SGCE: variants seen among roughly 807,000 people sequenced by gnomAD.
SGCE encodes sarcoglycan epsilon.
Under a neutral mutation model 57.8 loss-of-function variants are expected in SGCE, and 26 were observed. The ratio of observed to expected loss-of-function variants is 0.45; its 90% CI spans 0.33 to 0.62. The LOEUF (loss-of-function observed/expected upper bound fraction) is 0.62. SGCE is among the 20% of genes least tolerant of loss of function. The probability of loss-of-function intolerance (pLI) is 0.02; values close to 1 mark genes in which losing one functional copy is unlikely to be tolerated. For missense variants in SGCE, 468 were observed against 548.6 expected (o/e 0.85, Z 1.47); for synonymous variants, 183 against 189.5 (o/e 0.97, Z 0.28).
chr7:94,623,574 G>A, intron 3 of SGCE, 177 bp from the exon 4 acceptor site: 1 of 587,312 alleles, frequency 1.7e-6, no homozygotes, highest in Non-Finnish European at 3.0e-6. Context: ...AATATTATGG[G>A]AAAATAAATA....
At position 94,585,294 on chromosome 7, in the gene SGCE, T is replaced by G. The variant is rs960634283; in HGVS notation, c.*205A>C. The G allele has an allele frequency of 3.6e-5, 18 of 494,700 alleles. No individual in the cohort carries two copies. Among genetic ancestry groups the G allele is most frequent in the African/African-American group, 3.4e-4 (18 of 52,420 alleles). 30.6% of individuals were successfully genotyped at this position (494,700 alleles called of 1,614,324 possible). A position where few individuals can be genotyped will look rare whatever the true frequency, so the allele number is the denominator to read the frequency against. On this transcript the variant is annotated 3_prime_UTR_variant, in exon 11 of 11. Coordinates refer to ENST00000648936, the MANE Select transcript of SGCE (RefSeq NM_003919.3). ...TAACAAATATAAAGTCATCAATGTT[T>G]TACAAATTGTCAAAAATGCTTTAAG...
At chr7:94,611,498 G>C (rs1801031258) in intron 5 of SGCE, among the ~76,000 whole-genome samples, 1 of 151,748 alleles carries the variant, frequency 6.6e-6, no homozygotes, top group Admixed American at 6.6e-5. Context: ...GGTGGGGGTG[G>C]GGGTGACTTC....
chr7:94,619,579 A>G (rs1402737041), intron 4 of SGCE: 1 of 152,294 alleles, frequency 6.6e-6, no homozygotes, highest in East Asian at 1.9e-4. Flanking sequence ...TGTTACTCAA[A>G]TGCTACTCTT....
chr7:94,600,375 C>A, intron 7 of SGCE: 1 of 392,494 alleles, frequency 2.5e-6, no homozygotes, highest in Non-Finnish European at 4.7e-6. Context: ...AAATATCTAG[C>A]CTCAATTATT....
At chr7:94,593,301 A>G (rs1449537425) in intron 9 of SGCE, among the ~76,000 whole-genome samples, 1 of 151,966 alleles carries the variant, frequency 6.6e-6, no homozygotes, top group Non-Finnish European at 1.5e-5. Flanking sequence ...AATAAGGAAA[A>G]TTTTTGTGTA....
intron 1 of SGCE, among the ~76,000 whole-genome samples, chr7:94,650,373 T>C (rs1390383035): frequency 1.3e-5 from 2 of 152,126 alleles, no homozygotes; most frequent in African/African-American, 2.4e-5. Flanking sequence ...AGTAGCCTGC[T>C]TGGACAGAGC....
intron 5 of SGCE, among the ~76,000 whole-genome samples, chr7:94,606,551 A>C (rs1170241944): frequency 1.3e-5 from 2 of 152,230 alleles, no homozygotes; most frequent in African/African-American, 4.8e-5. Context: ...ACATCTCTCT[A>C]TCAGAAATGG....
Position 94,601,382 on chromosome 7 carries a change from A to G in SGCE, c.826-525T>C, listed in dbSNP as rs1799190314. ...CTTCCAGCTGACAGAAGTAACTTTT[A>G]TGGAAGATAGTCTAGGGAATATGGA... is the stretch of plus-strand genomic sequence containing the variant. On this transcript the variant is annotated intron_variant, in intron 6 of 10. Coordinates refer to ENST00000648936, the MANE Select transcript of SGCE (RefSeq NM_003919.3). Among the ~76,000 whole-genome samples the G allele has an allele frequency of 2.1e-5, 3 of 141,066 alleles. No homozygotes were observed. The South Asian group carries it at 7.4e-4, about 35-fold the overall frequency. 92.5% of individuals were successfully genotyped at this position (141,066 alleles called of 152,430 possible).
chr7:94,622,928 A>G (rs1803039413), intron 4 of SGCE, among the ~76,000 whole-genome samples: 1 of 152,192 alleles, frequency 6.6e-6, no homozygotes, highest in Non-Finnish European at 1.5e-5. Context: ...ATTTTTAAAT[A>G]AAATAATAAA....
chr7:94,618,725 A>C (rs1274438244), intron 5 of SGCE, 33 bp downstream of exon 5: 1 of 1,557,492 alleles, frequency 6.4e-7, no homozygotes, highest in Non-Finnish European at 8.9e-7. Context: ...TTAAAAATCT[A>C]TATTTAAGGC....
intron 5 of SGCE, among the ~76,000 whole-genome samples, chr7:94,615,644 CTGT>C (rs1470525232): frequency 2.0e-5 from 3 of 152,138 alleles, no homozygotes; most frequent in South Asian, 4.1e-4. Context: ...ATAGGATTCT[CTGT>C]TGTTGATTGA....
chr7:94,603,570 TGAGGTAGGGGCCTC>T, intron 5 of SGCE, 118 bp from the exon 6 acceptor site: 1 of 898,954 alleles, frequency 1.1e-6, no homozygotes, highest in Middle Eastern at 3.3e-4. Context: ...GACTCATCCC[TGAGGTAGGGGCCTC>T]GGCTCTAAAA....
intron 5 of SGCE, among the ~76,000 whole-genome samples, chr7:94,614,387 G>T (rs971308564): frequency 6.6e-6 from 1 of 152,076 alleles, no homozygotes; most frequent in African/African-American, 2.4e-5. Flanking sequence ...AAAAATTTTA[G>T]TATCAACCAT....
intron 1 of SGCE, among the ~76,000 whole-genome samples, chr7:94,647,254 A>G (rs541915926): frequency 1.3e-5 from 2 of 152,284 alleles, no homozygotes; most frequent in African/African-American, 4.8e-5. Flanking sequence ...TGGCACCACC[A>G]TCTGTCCTCA....
At chr7:94,627,104 T>C (rs969054403) in intron 3 of SGCE, 9 of 152,144 alleles carry the variant, frequency 5.9e-5, no homozygotes, top group African/African-American at 2.2e-4. Context: ...TACACTGCCT[T>C]AAGGAATATG....
intron 5 of SGCE, among the ~76,000 whole-genome samples, chr7:94,612,129 C>T (rs139043444): frequency 1.3e-5 from 2 of 152,080 alleles, no homozygotes; most frequent in African/African-American, 2.4e-5. Context: ...ATGAATGTTT[C>T]TTACAACTGT....
At chr7:94,596,090 T>C (rs1211823084) in intron 9 of SGCE, among the ~76,000 whole-genome samples, 4 of 152,084 alleles carry the variant, frequency 2.6e-5, no homozygotes, top group Admixed American at 6.6e-5. Flanking sequence ...AAAATACGTA[T>C]GTGTTTAAAT....
intron 1 of SGCE, among the ~76,000 whole-genome samples, chr7:94,633,203 A>T (rs921598532): frequency 1.3e-5 from 2 of 151,968 alleles, no homozygotes; most frequent in Admixed American, 1.3e-4. Context: ...GAAACTGGAA[A>T]ACTATGGGTG....
chr7:94,612,203 A>G (rs1217666315), intron 5 of SGCE, among the ~76,000 whole-genome samples: 5 of 152,150 alleles, frequency 3.3e-5, no homozygotes, highest in Admixed American at 2.0e-4. Context: ...TTTTTAATTA[A>G]TTCCTCTCAA....
Sources: allele counts gnomAD v4.1 joint callset (sites outside exome capture counted in the v4.1 genomes callset), GRCh38; gene constraint gnomAD v4.1.1; transcripts MANE v1.5; gene names NCBI Gene and HGNC (gene_info 2026-07-23, HGNC 2026-07-21).